Variants in MRPS16 observed in about 807,000 individuals in gnomAD.
MRPS16 encodes small ribosomal subunit protein bS16m.
MRPS16 carries 5 observed loss-of-function variants against 11.0 expected under a neutral mutation model. The observed-to-expected ratio is 0.46, with a 90% CI of 0.24 to 0.96. The LOEUF (loss-of-function observed/expected upper bound fraction) is 0.96, where lower values mean the gene tolerates loss of function less well. Ranked by LOEUF, MRPS16 falls within the 40% of genes least tolerant of loss-of-function variation. The pLI is 0.20. For synonymous variants in MRPS16, 76 were observed against 65.0 expected, an observed-to-expected ratio of 1.17 and a Z score of -0.81; for missense variants, 179 against 174.4, an observed-to-expected ratio of 1.03 and a Z score of -0.15.
intron 1 of MRPS16, 186 bp downstream of exon 1, chr10:73,252,284 T>C: frequency 9.2e-7 from 1 of 1,086,452 alleles, no homozygotes; most frequent in Non-Finnish European, 1.3e-6. Flanking sequence ...GCTGCTTCAA[T>C]GGGGTGGAAA....
chr10:73,250,787 C>A lies in MRPS16; in HGVS notation c.*65G>T. The A allele has an allele frequency of 6.3e-7, 1 of 1,590,816 alleles. No individual in the cohort carries two copies. The highest frequency in any genetic ancestry group is 8.6e-7 in the Non-Finnish European group (1 of 1,165,440). ...ACTCCAAATCTAACAAAATTAAGATCGCTGCAGTGTTTCAAAAGGACCTTG... is the reference window on the plus strand; with the variant it reads ...ACTCCAAATCTAACAAAATTAAGATAGCTGCAGTGTTTCAAAAGGACCTTG... On this transcript the variant is annotated 3_prime_UTR_variant, in exon 3 of 3. Coordinates refer to ENST00000372945, the MANE Select transcript of MRPS16 (RefSeq NM_016065.4).
chr10:73,251,793 G>C lies in MRPS16; in HGVS notation c.244C>G (p.His82Asp). ...RIRHWIGCGAHLSKPMEKLLG... is the reference protein window; with the variant it reads ...RIRHWIGCGADLSKPMEKLLG... The stretch of plus-strand genomic sequence containing the variant: ...AGCTTTTCCATAGGCTTAGAGAGGT[G>C]GGCCCCGCAGCCAATCCAATGACGG... The change falls in exon 2 of 3, where the codon CAC becomes GAC. Residue 82 changes from histidine to aspartate, a missense_variant. Coordinates refer to ENST00000372945, the MANE Select transcript of MRPS16 (RefSeq NM_016065.4). 3.7e-6 allele frequency: 6 copies of C among 1,614,176 alleles called. No individual in the cohort carries two copies. Among genetic ancestry groups the C allele is most frequent in the Non-Finnish European group, 5.1e-6 (6 of 1,180,038 alleles).
At position 73,250,189 on chromosome 10, in the gene MRPS16, A is replaced by G. The variant is rs1435769692; in HGVS notation, c.*663T>C. On this transcript the variant is annotated 3_prime_UTR_variant, in exon 3 of 3. Coordinates refer to ENST00000372945, the MANE Select transcript of MRPS16 (RefSeq NM_016065.4). The stretch of plus-strand genomic sequence containing the variant: ...GAGCCGAGATCGCGCCACTGCACTC[A>G]AGCCTGGGCGACAGAGCGAGACTCC... The G allele has an allele frequency of 6.6e-6, 1 of 151,396 alleles. No homozygotes were observed. Among genetic ancestry groups the G allele is most frequent in the Non-Finnish European group, 1.5e-5 (1 of 68,442 alleles). 9.4% of individuals were successfully genotyped at this position (151,396 alleles called of 1,614,324 possible). A position where few individuals can be genotyped will look rare whatever the true frequency, so the allele number is the denominator to read the frequency against.
In MRPS16 at chr10:73,252,460, G is replaced by T; in HGVS notation, c.13+10C>A. On this transcript the variant is annotated intron_variant, in intron 1 of 2. Coordinates refer to ENST00000372945, the MANE Select transcript of MRPS16 (RefSeq NM_016065.4). ...CGCCCGGAACGTCTCGCGGTGGCCCGATGACTCACTGAGGTGGACCATGGT... is the reference window on the plus strand; with the variant it reads ...CGCCCGGAACGTCTCGCGGTGGCCCTATGACTCACTGAGGTGGACCATGGT... 2 of 1,609,400 alleles carry T rather than the reference G, an allele frequency of 1.2e-6. No homozygotes were observed. Among genetic ancestry groups the T allele is most frequent in the South Asian group, 1.1e-5 (1 of 91,042 alleles).
At position 73,251,942 on chromosome 10, in the gene MRPS16, T is replaced by C. The variant is rs768985694; in HGVS notation, c.95A>G (p.Tyr32Cys). The C allele has an allele frequency of 3.7e-6, 6 of 1,614,122 alleles. No individual in the cohort carries two copies. The highest frequency in any genetic ancestry group is 1.1e-5 in the South Asian group (1 of 91,074). Residue 32 changes from tyrosine to cysteine, a missense_variant, in exon 2 of 3, where the codon TAC becomes TGC. Transcript: ENST00000372945. ...CTTGTTGTGAGCAGCCACAATGCGGTAGAACGGCCGATTGGTGCAGCCACC... is the reference window on the plus strand; with the variant it reads ...CTTGTTGTGAGCAGCCACAATGCGGCAGAACGGCCGATTGGTGCAGCCACC... ...ALGGCTNRPF[Y>C]RIVAAHNKCP...
At chr10:73,252,174 C>A (rs955649613) in intron 1 of MRPS16, 151 bp from the exon 2 acceptor site, 17 of 1,278,380 alleles carry the variant, frequency 1.3e-5, no homozygotes, top group Admixed American at 2.0e-5. Flanking sequence ...TGTGAAACCC[C>A]TCTTGGCCAG....
At position 73,250,468 on chromosome 10, in the gene MRPS16, G is replaced by A. The variant is rs186383176; in HGVS notation, c.*384C>T. On this transcript the variant is annotated 3_prime_UTR_variant, in exon 3 of 3. Transcript: ENST00000372945. ...AAAAATCAATTAAGAAAGGTTAACT[G>A]TTCTTGCACTTGTGGGATGAACATG... The A allele has an allele frequency of 3.1e-4, 82 of 268,142 alleles. No individual in the cohort carries two copies. Among genetic ancestry groups the A allele is most frequent in the African/African-American group, 1.7e-3 (77 of 45,072 alleles). The allele number at this position is 268,142 out of a possible 1,614,324, so 16.6% of individuals were successfully genotyped here. A position where few individuals can be genotyped will look rare whatever the true frequency, so the allele number is the denominator to read the frequency against.
chr10:73,249,391 A>G lies in MRPS16; in HGVS notation c.*1461T>C. 2 of 1,420,216 alleles carry G rather than the reference A, an allele frequency of 1.4e-6. No individual in the cohort carries two copies. Among genetic ancestry groups the G allele is most frequent in the Non-Finnish European group, 1.9e-6 (2 of 1,037,022 alleles). 88.0% of individuals were successfully genotyped at this position (1,420,216 alleles called of 1,614,324 possible). A position where few individuals can be genotyped will look rare whatever the true frequency, so the allele number is the denominator to read the frequency against. On this transcript the variant is annotated 3_prime_UTR_variant, in exon 3 of 3. Transcript: ENST00000372945. Reference sequence around the variant, plus strand: ...GAAGTTATTCAAATACATTCAAACTATAAAGATCCCTTATAGATTACTGGC... The same window carrying G: ...GAAGTTATTCAAATACATTCAAACTGTAAAGATCCCTTATAGATTACTGGC...
Position 73,249,164 on chromosome 10 carries a change from C to T in MRPS16, c.*1688G>A. ...AAACTCTGGCTTCAAGTGATCCTTC[C>T]ACCTCAGCCTCCCAAAGTGCTGAGA... is the stretch of plus-strand genomic sequence containing the variant. On this transcript the variant is annotated 3_prime_UTR_variant, in exon 3 of 3. Transcript: ENST00000372945. 1 of 896,294 alleles carries T rather than the reference C, an allele frequency of 1.1e-6. No homozygotes were observed. The highest frequency in any genetic ancestry group is 1.7e-6 in the Non-Finnish European group (1 of 575,902). 55.5% of individuals were successfully genotyped at this position (896,294 alleles called of 1,614,324 possible).
Position 73,251,749 on chromosome 10 carries a change from C to T in MRPS16, c.274+14G>A, listed in dbSNP as rs1208279116. On this transcript the variant is annotated intron_variant, in intron 2 of 2. Transcript: ENST00000372945. ...TAAAATCCCCTCAATAAGGTAAGAC[C>T]AGAGCTGAGTTACCCAGAAGCTTTT... 3.1e-6 allele frequency: 5 copies of T among 1,613,968 alleles called. No individual in the cohort carries two copies. The highest frequency in any genetic ancestry group is 3.4e-6 in the Non-Finnish European group (4 of 1,180,032).
In MRPS16 at chr10:73,250,785, A is replaced by G; in HGVS notation, c.*67T>C. The G allele has an allele frequency of 6.3e-7, 1 of 1,590,062 alleles. No homozygotes were observed. Among genetic ancestry groups the G allele is most frequent in the Non-Finnish European group, 8.6e-7 (1 of 1,165,076 alleles). ...GAACTCCAAATCTAACAAAATTAAGATCGCTGCAGTGTTTCAAAAGGACCT... is the reference window on the plus strand; with the variant it reads ...GAACTCCAAATCTAACAAAATTAAGGTCGCTGCAGTGTTTCAAAAGGACCT... On this transcript the variant is annotated 3_prime_UTR_variant, in exon 3 of 3. Transcript: ENST00000372945.
At position 73,250,207 on chromosome 10, in the gene MRPS16, G is replaced by GA. The variant is rs940503544; in HGVS notation, c.*644dup. On this transcript the variant is annotated 3_prime_UTR_variant, in exon 3 of 3. Coordinates refer to ENST00000372945, the MANE Select transcript of MRPS16 (RefSeq NM_016065.4). ...TGCACTCAAGCCTGGGCGACAGAGC[G>GA]AGACTCCTCTCAAAAAAAAAAAAAA... 2 of 146,872 alleles carry GA rather than the reference G, an allele frequency of 1.4e-5. No homozygotes were observed. 9.1% of individuals were successfully genotyped at this position (146,872 alleles called of 1,614,324 possible). A position where few individuals can be genotyped will look rare whatever the true frequency, so the allele number is the denominator to read the frequency against.
chr10:73,249,654 GC>G lies in MRPS16; in HGVS notation c.*1197del. On this transcript the variant is annotated 3_prime_UTR_variant, in exon 3 of 3. Coordinates refer to ENST00000372945, the MANE Select transcript of MRPS16 (RefSeq NM_016065.4). ...ATCTATGATATATGCAGAAATCACAGCCACATTTGAATGGTTCAATCTTGAT... is the reference window on the plus strand; with the variant it reads ...ATCTATGATATATGCAGAAATCACAGCACATTTGAATGGTTCAATCTTGAT... 1 of 272,016 alleles carries G rather than the reference GC, an allele frequency of 3.7e-6. No individual in the cohort carries two copies. Among genetic ancestry groups the G allele is most frequent in the African/African-American group, 2.2e-5 (1 of 45,488 alleles). The allele number at this position is 272,016 out of a possible 1,614,324, so 16.9% of individuals were successfully genotyped here. A position where few individuals can be genotyped will look rare whatever the true frequency, so the allele number is the denominator to read the frequency against.
intron 1 of MRPS16, 156 bp downstream of exon 1, chr10:73,252,314 T>C (rs1391394920): frequency 1.6e-6 from 2 of 1,239,316 alleles, no homozygotes; most frequent in Non-Finnish European, 2.3e-6. Context: ...GGTGATTAAG[T>C]GGGGAAAAAA....
At position 73,249,347 on chromosome 10, in the gene MRPS16, A is replaced by G; in HGVS notation, c.*1505T>C. On this transcript the variant is annotated 3_prime_UTR_variant, in exon 3 of 3. Coordinates refer to ENST00000372945, the MANE Select transcript of MRPS16 (RefSeq NM_016065.4). ...AGAATGGTTGTGAGTCAAATAAAAA[A>G]GTAGAACTAAAGTATACTGAAGTTA... 1 of 1,541,824 alleles carries G rather than the reference A, an allele frequency of 6.5e-7. No individual in the cohort carries two copies. Among genetic ancestry groups the G allele is most frequent in the South Asian group, 1.2e-5 (1 of 83,748 alleles).
At position 73,251,040 on chromosome 10, in the gene MRPS16, C is replaced by T. The variant is rs779901690; in HGVS notation, c.275-49G>A. The T allele has an allele frequency of 4.4e-6, 7 of 1,602,432 alleles. No individual in the cohort carries two copies. In the East Asian group the frequency reaches 1.6e-4, roughly 36 times the overall value. On this transcript the variant is annotated intron_variant, in intron 2 of 2. Transcript: ENST00000372945. The stretch of plus-strand genomic sequence containing the variant: ...TATTATAACACAGTATAAGCCAATG[C>T]TTCCCTAGGAACTCTGTCTCACAGA...
In MRPS16 at chr10:73,249,192, A is replaced by T; in HGVS notation, c.*1660T>A. 1 of 1,218,414 alleles carries T rather than the reference A, an allele frequency of 8.2e-7. No individual in the cohort carries two copies. Among genetic ancestry groups the T allele is most frequent in the Non-Finnish European group, 1.2e-6 (1 of 853,526 alleles). The allele number at this position is 1,218,414 out of a possible 1,614,324, so 75.5% of individuals were successfully genotyped here. ...CTCAGCCTCCCAAAGTGCTGAGATT[A>T]CAGGTGTGAGCCACTGCCCCAATGG... is the stretch of plus-strand genomic sequence containing the variant. On this transcript the variant is annotated 3_prime_UTR_variant, in exon 3 of 3. Transcript: ENST00000372945.
Position 73,251,806 on chromosome 10 carries a change from A to G in MRPS16, c.231T>C (p.Ile77=). The stretch of plus-strand genomic sequence containing the variant: ...GCTTAGAGAGGTGGGCCCCGCAGCC[A>G]ATCCAATGACGGATCCTGTCTAGGT... ...ALNLDRIRHW[I]GCGAHLSKPM... is the part of the protein sequence containing the mutation. Residue 77 remains isoleucine, a synonymous_variant, in exon 2 of 3, where the codon ATT becomes ATC. Coordinates refer to ENST00000372945, the MANE Select transcript of MRPS16 (RefSeq NM_016065.4). 6.2e-7 allele frequency: 1 copy of G among 1,614,232 alleles called. No individual in the cohort carries two copies. Among genetic ancestry groups the G allele is most frequent in the Non-Finnish European group, 8.5e-7 (1 of 1,180,048 alleles).
In MRPS16 at chr10:73,249,266, G is replaced by A. The variant is rs2044053274; in HGVS notation, c.*1586C>T. 1.3e-6 allele frequency: 2 copies of A among 1,548,226 alleles called. No homozygotes were observed. Among genetic ancestry groups the A allele is most frequent in the South Asian group, 1.2e-5 (1 of 83,838 alleles). Reference sequence around the variant, plus strand: ...CAAGTTACTTCAAATTCTTGATGTTGAATTTCATCTCACTGACTTCAGGCT... The same window carrying A: ...CAAGTTACTTCAAATTCTTGATGTTAAATTTCATCTCACTGACTTCAGGCT... On this transcript the variant is annotated 3_prime_UTR_variant, in exon 3 of 3. Coordinates refer to ENST00000372945, the MANE Select transcript of MRPS16 (RefSeq NM_016065.4).
Sources: gnomAD v4.1 joint callset for allele counts on GRCh38, gnomAD v4.1.1 for gene constraint, MANE v1.5 for transcripts, NCBI Gene and HGNC (gene_info 2026-07-23, HGNC 2026-07-21) for gene names.